Variants in CSRNP2 observed in about 807,000 individuals in gnomAD.
CSRNP2 encodes the protein cysteine and serine rich nuclear protein 2, also known as cysteine/serine-rich nuclear protein 2.
A neutral mutation model predicts 36.6 loss-of-function variants in CSRNP2; 11 were observed. The observed-to-expected ratio is 0.30, with a 90% CI of 0.19 to 0.50. The LOEUF is 0.50. Among genes scored for constraint, CSRNP2 ranks in the 20% least tolerant of loss-of-function variants. CSRNP2 has a pLI of 0.98. For synonymous variants in CSRNP2, 248 were observed against 275.3 expected (o/e 0.90, Z 0.98); for missense variants, 483 against 691.4 (o/e 0.70, Z 3.38).
intron 1 of CSRNP2, among the ~76,000 whole-genome samples, chr12:51,079,549 G>C (rs1332294382): frequency 6.8e-6 from 1 of 146,506 alleles, no homozygotes; most frequent in East Asian, 2.0e-4. Flanking sequence ...GATCACCTGA[G>C]GCTGGAGTTC....
intron 3 of CSRNP2, 122 bp downstream of exon 3, chr12:51,073,701 G>C: frequency 9.3e-7 from 1 of 1,078,286 alleles, no homozygotes; most frequent in Non-Finnish European, 1.3e-6. Context: ...ACTCCAGCCC[G>C]GGCGACAGAG....
Position 51,073,923 on chromosome 12 carries a change from C to A in CSRNP2, c.311G>T (p.Ser104Ile). Reference sequence around the variant, plus strand: ...CTGGGCAAACTCACAGAGTGTATAGCTCCGTACAGAGTTATGGCGCTGGGC... The same window carrying A: ...CTGGGCAAACTCACAGAGTGTATAGATCCGTACAGAGTTATGGCGCTGGGC... The part of the protein sequence containing the change: ...GMAQRHNSVR[S>I]YTLCEFAQEQ... Residue 104 changes from serine (S) to isoleucine (I), a missense_variant, in exon 3 of 5, where the codon AGC becomes ATC. By Grantham distance (142) the Ser-to-Ile change is moderately radical. Coordinates refer to ENST00000228515, the MANE Select transcript of CSRNP2 (RefSeq NM_030809.3). 1 of 1,614,096 alleles carries A rather than the reference C, an allele frequency of 6.2e-7. No homozygotes were observed. Among genetic ancestry groups the A allele is most frequent in the Non-Finnish European group, 8.5e-7 (1 of 1,180,030 alleles).
intron 1 of CSRNP2, among the ~76,000 whole-genome samples, chr12:51,079,408 A>G (rs1429046201): frequency 6.6e-6 from 1 of 151,668 alleles, no homozygotes; most frequent in African/African-American, 2.4e-5. Flanking sequence ...ATTCCATTCT[A>G]TTGTAGCGGG....
intron 3 of CSRNP2, among the ~76,000 whole-genome samples, chr12:51,073,512 A>T (rs1204480826): frequency 6.6e-6 from 1 of 151,670 alleles, no homozygotes; most frequent in African/African-American, 2.4e-5. Context: ...CAGGTAGATC[A>T]CTTGAGACCA....
At chr12:51,082,175 T>C (rs1296950091) in intron 1 of CSRNP2, among the ~76,000 whole-genome samples, 2 of 152,228 alleles carry the variant, frequency 1.3e-5, no homozygotes, top group Admixed American at 6.5e-5. Context: ...TTGTTTCTCA[T>C]ATACCATGAA....
chr12:51,074,001 C>A lies in CSRNP2; in HGVS notation c.233G>T (p.Arg78Leu). Residue 78 changes from arginine to leucine, a missense_variant, in exon 3 of 5, where the codon CGG (arginine) becomes CTG (leucine). Transcript: ENST00000228515. ...FDQVTVYYFA[R>L]RQGFTSVPSQ... ...GGGCACACTGGTAAAACCTTGGCGC[C>A]GGGCAAAGTAGTATACAGTCACCTG... The A allele has an allele frequency of 6.2e-7, 1 of 1,614,162 alleles. No individual in the cohort carries two copies. The highest frequency in any genetic ancestry group is 8.5e-7 in the Non-Finnish European group (1 of 1,180,040).
chr12:51,063,992 A>G lies in CSRNP2; in HGVS notation c.1386T>C (p.Cys462=), dbSNP rs1017935735. ...FSLPVTSLVA[C]SSTDPAALCK... ...AGAGGGCAGCTGGGTCTGTGGAGCT[A>G]CAAGCCACGAGTGAGGTAACAGGGA... Residue 462 remains cysteine (C), a synonymous_variant, in exon 5 of 5, where the codon TGT becomes TGC. Transcript: ENST00000228515. The G allele has an allele frequency of 6.2e-7, 1 of 1,613,936 alleles. No individual in the cohort carries two copies. The highest frequency in any genetic ancestry group is 8.5e-7 in the Non-Finnish European group (1 of 1,179,918).
At position 51,064,114 on chromosome 12, in the gene CSRNP2, C is replaced by T; in HGVS notation, c.1264G>A (p.Val422Met). 1.2e-6 allele frequency: 2 copies of T among 1,614,232 alleles called. No homozygotes were observed. The highest frequency in any genetic ancestry group is 3.3e-4 in the Middle Eastern group (2 of 6,060). The change falls in exon 5 of 5, where the codon GTG (valine) becomes ATG (methionine). Residue 422 changes from valine (V) to methionine (M), a missense_variant. By Grantham distance (21) the Val-to-Met change is conservative. Transcript: ENST00000228515. ...LNSGPLVYYQVEQRPVLGVKG... is the reference protein window; with the variant it reads ...LNSGPLVYYQMEQRPVLGVKG... ...ACTCCCAAGACTGGCCTCTGCTCCA[C>T]TTGATAATAGACCAGGGGCCCACTG...
rs555092432 is a variant in CSRNP2 at position 51,064,063 on chromosome 12, C to T, written c.1315G>A (p.Gly439Ser). 6.2e-7 allele frequency: 1 copy of T among 1,614,208 alleles called. No individual in the cohort carries two copies. Among genetic ancestry groups the T allele is most frequent in the Admixed American group, 1.7e-5 (1 of 60,026 alleles). The change falls in exon 5 of 5, where the codon GGC (glycine) becomes AGC (serine). Residue 439 changes from glycine (G) to serine (S), a missense_variant. Around this residue, in one of 2 missense-constraint regions of CSRNP2, gnomAD observed 277 missense variants for 323.6 expected, o/e 0.86. Coordinates refer to ENST00000228515, the MANE Select transcript of CSRNP2 (RefSeq NM_030809.3). Reference protein sequence around the residue: ...GVKGEPGTEEGSASFPKEKDL... With the variant: ...GVKGEPGTEESSASFPKEKDL... ...TTCTCCTTTGGGAAAGAGGCTGAGC[C>T]TTCTTCCGTACCAGGCTCTCCTTTC...
rs561966548 is a variant in CSRNP2, at chr12:51,064,235, G to A, written c.1143C>T (p.Ile381=). 2.5e-5 allele frequency: 41 copies of A among 1,613,576 alleles called. No homozygotes were observed. The South Asian group carries it at 4.1e-4, about 16-fold the overall frequency. The change falls in exon 5 of 5, where the codon ATC becomes ATT. Residue 381 remains isoleucine, a synonymous_variant. Coordinates refer to ENST00000228515, the MANE Select transcript of CSRNP2 (RefSeq NM_030809.3). ...AGGAGCCTGGGGGCAGCTGAGCCTG[G>A]ATGAGAATGGGGGCTGTAAGGCCTG... ...LCPGLTAPIL[I]QAQLPPGSSV...
Position 51,064,031 on chromosome 12 carries a change from C to G in CSRNP2, c.1347G>C (p.Leu449=). 2 of 1,614,232 alleles carry G rather than the reference C, an allele frequency of 1.2e-6. No homozygotes were observed. Among genetic ancestry groups the G allele is most frequent in the Middle Eastern group, 3.3e-4 (2 of 6,060 alleles). Reference sequence around the variant, plus strand: ...AGGTAACAGGGAGAGAGAAGACATTCAGATCCTTCTCCTTTGGGAAAGAGG... The same window carrying G: ...AGGTAACAGGGAGAGAGAAGACATTGAGATCCTTCTCCTTTGGGAAAGAGG... ...GSASFPKEKD[L]NVFSLPVTSL... The change falls in exon 5 of 5, where the codon CTG becomes CTC. Residue 449 remains leucine (L), a synonymous_variant. Transcript: ENST00000228515.
chr12:51,067,004 ATT>A lies in CSRNP2; in HGVS notation c.708+667_708+668del, dbSNP rs869102566. On this transcript the variant is annotated intron_variant, in intron 4 of 4. Coordinates refer to ENST00000228515, the MANE Select transcript of CSRNP2 (RefSeq NM_030809.3). The surrounding 1 kb of genome is among the most constrained non-coding windows in gnomAD (Gnocchi z 4.1). ...GCTACCATGTCCAGCTAATTTTTGTATTTTTTGTAAAGATGGGGCTTAGCCAT... is the reference window on the plus strand; with the variant it reads ...GCTACCATGTCCAGCTAATTTTTGTATTTTGTAAAGATGGGGCTTAGCCAT... Among the ~76,000 whole-genome samples, 1 of 141,554 alleles carries A rather than the reference ATT, an allele frequency of 7.1e-6. No homozygotes were observed. The highest frequency in any genetic ancestry group is 1.5e-5 in the Non-Finnish European group (1 of 65,862). 92.9% of individuals were successfully genotyped at this position (141,554 alleles called of 152,430 possible).
In CSRNP2 at chr12:51,064,378, C is replaced by T; in HGVS notation, c.1000G>A (p.Glu334Lys). 1.2e-6 allele frequency: 2 copies of T among 1,614,212 alleles called. No homozygotes were observed. Among genetic ancestry groups the T allele is most frequent in the Non-Finnish European group, 1.7e-6 (2 of 1,180,040 alleles). The stretch of plus-strand genomic sequence containing the variant: ...GAATCTTCTTCTGCCTTGAGCCGCT[C>T]CAGTTCCTCTGCACTCTGCAGGTGC... Reference protein sequence around the residue: ...VMHLQSAEELERLKAEEDSSG... With the variant: ...VMHLQSAEELKRLKAEEDSSG... The change falls in exon 5 of 5, where the codon GAG (glutamate) becomes AAG (lysine). Residue 334 changes from glutamate (E) to lysine (K), a missense_variant. By Grantham distance (56) the Glu-to-Lys change is moderately conservative (BLOSUM62 1). Coordinates refer to ENST00000228515, the MANE Select transcript of CSRNP2 (RefSeq NM_030809.3).
chr12:51,071,078 G>A (rs1424091860), intron 3 of CSRNP2, among the ~76,000 whole-genome samples: 1 of 151,828 alleles, frequency 6.6e-6, no homozygotes, highest in Non-Finnish European at 1.5e-5. Context: ...CCTGGCCAAC[G>A]TGGCAAAACT....
intron 2 of CSRNP2, among the ~76,000 whole-genome samples, chr12:51,074,533 A>AT (rs1230152700): frequency 6.6e-6 from 1 of 152,160 alleles, no homozygotes; most frequent in Non-Finnish European, 1.5e-5. Context: ...GAACTGTCTA[A>AT]TATCTTCAAA....
intron 4 of CSRNP2, among the ~76,000 whole-genome samples, chr12:51,064,881 A>C (rs1216807126): frequency 2.0e-5 from 3 of 152,180 alleles, no homozygotes; most frequent in African/African-American, 7.2e-5. Context: ...CTCAGCCATT[A>C]ATTAGTGGTG....
intron 2 of CSRNP2, 39 bp from the exon 3 acceptor site, chr12:51,074,121 CTATT>C (rs769389914): frequency 4.4e-6 from 7 of 1,582,496 alleles, no homozygotes; most frequent in Middle Eastern, 1.9e-4. Context: ...ATTTATTTTT[CTATT>C]TATTTATTTA....
At chr12:51,080,072 C>CAAAAAA (rs1173559322) in intron 1 of CSRNP2, among the ~76,000 whole-genome samples, 5,030 of 55,000 alleles carry the variant, frequency 0.091, 2,097 homozygotes, top group Non-Finnish European at 0.1. Context: ...GACTCTGTCT[C>CAAAAAA]AAAAAAAAAA....
At chr12:51,071,411 G>GA (rs921031613) in intron 3 of CSRNP2, among the ~76,000 whole-genome samples, 45 of 147,548 alleles carry the variant, frequency 3.0e-4, no homozygotes, top group Non-Finnish European at 6.0e-4. Context: ...TGTTTCAAGA[G>GA]AAAAAAAAAA....
Sources: gnomAD v4.1 joint callset for allele counts (sites outside exome capture counted in the v4.1 genomes callset) on GRCh38, gnomAD v4.1.1 for gene constraint, gnomAD v4.1.1 regional missense constraint, Gnocchi (gnomAD v3.1) non-coding constraint, MANE v1.5 for transcripts, NCBI Gene and HGNC (gene_info 2026-07-23, HGNC 2026-07-21) for gene names.